Variants in DMD observed in about 807,000 individuals in gnomAD.
DMD encodes dystrophin, also known as mutant dystrophin.
Under a neutral mutation model 330.1 loss-of-function variants are expected in DMD, and 63 were observed. The ratio of observed to expected loss-of-function variants is 0.19; its 90% CI spans 0.16 to 0.24. DMD has a LOEUF of 0.24. Ranked by LOEUF, DMD falls within the 10% of genes least tolerant of loss-of-function variation. DMD has a pLI of 1.00. For synonymous variants in DMD, 1,223 were observed against 959.8 expected, an observed-to-expected ratio of 1.27 and a Z score of -5.07; for missense variants, 3,344 against 2,684.1, an observed-to-expected ratio of 1.25 and a Z score of -5.43.
chrX:31,244,990 A>C (rs1433506412), intron 63 of DMD, among the ~76,000 whole-genome samples: 1 of 112,030 alleles, frequency 8.9e-6, no homozygotes, highest in East Asian at 2.8e-4. Context: ...CAGGAAACCA[A>C]TGAACGAACG....
At chrX:31,366,302 G>T in intron 60 of DMD, among the ~76,000 whole-genome samples, 1 of 107,935 alleles carries the variant, frequency 9.3e-6, no homozygotes, top group Non-Finnish European at 1.9e-5. Flanking sequence ...CAAACTATGC[G>T]GGCACTGGAG....
At chrX:31,934,441 G>A (rs2094898325) in intron 45 of DMD, among the ~76,000 whole-genome samples, 1 of 111,553 alleles carries the variant, frequency 9.0e-6, no homozygotes, top group South Asian at 3.7e-4. Flanking sequence ...ACATTTATTC[G>A]CTTATTTTTA....
At chrX:31,666,429 C>T (rs1457883195) in intron 53 of DMD, among the ~76,000 whole-genome samples, 5 of 111,917 alleles carry the variant, frequency 4.5e-5, no homozygotes, top group African/African-American at 6.5e-5. Flanking sequence ...CAGTCTACAA[C>T]GAACATGTAA....
At chrX:32,320,937 A>G (rs1413783399) in intron 41 of DMD, among the ~76,000 whole-genome samples, 1 of 111,616 alleles carries the variant, frequency 9.0e-6, no homozygotes, top group African/African-American at 3.3e-5. Flanking sequence ...TGAAAACTCA[A>G]CTAATTTGTT....
At chrX:33,233,036 T>C (rs2052416085) in intron 1 of DMD, among the ~76,000 whole-genome samples, 1 of 111,212 alleles carries the variant, frequency 9.0e-6, no homozygotes, top group East Asian at 2.8e-4. Context: ...GACTATAATA[T>C]ATCATAATGC....
In DMD at chrX:32,587,704, A is replaced by G. The variant is rs191786707; in HGVS notation, c.1602+8053T>C. Among the ~76,000 whole-genome samples the G allele has an allele frequency of 6.3e-5, 7 of 111,306 alleles. No individual in the cohort carries two copies. The East Asian group carries it at 8.5e-4, about 13-fold the overall frequency. The stretch of plus-strand genomic sequence containing the variant: ...CACCTCTTTTAAAACATACTTGAAC[A>G]TGAGATTCCAGTTTGTGTTAAATAT... On this transcript the variant is annotated intron_variant, in intron 13 of 78. Transcript: ENST00000357033.
At chrX:32,460,730 A>C (rs1413224367) in intron 25 of DMD, among the ~76,000 whole-genome samples, 1 of 111,194 alleles carries the variant, frequency 9.0e-6, no homozygotes, top group East Asian at 2.8e-4. Context: ...TATCAGCTTT[A>C]ATTTCGCCTC....
intron 7 of DMD, among the ~76,000 whole-genome samples, chrX:32,721,066 T>TTGTG (rs113205688): frequency 0.016 from 1,773 of 108,835 alleles, 41 homozygotes; most frequent in African/African-American, 0.055. Context: ...GGCTGAATAT[T>TTGTG]TGTGTGTGTG....
At chrX:32,364,735 G>T (rs1385579720) in intron 35 of DMD, 25 bp from the exon 36 acceptor site, 2 of 1,196,774 alleles carry the variant, frequency 1.7e-6, no homozygotes, top group Non-Finnish European at 2.3e-6. Context: ...GACATACCAT[G>T]GCATTATTGG....
chrX:31,721,685 A>ACTCTCTCTCTCTCTCT (rs767300805), intron 52 of DMD, among the ~76,000 whole-genome samples: 3 of 39,581 alleles, frequency 7.6e-5, no homozygotes, highest in South Asian at 2.1e-3. Flanking sequence ...TCTCTCTCTC[A>ACTCTCTCTCTCTCTCT]CTCTCTCTCT....
At chrX:31,848,010 A>AT (rs1198660532) in intron 48 of DMD, among the ~76,000 whole-genome samples, 1 of 110,592 alleles carries the variant, frequency 9.0e-6, no homozygotes, top group Non-Finnish European at 1.9e-5. Context: ...CCAAATCTCT[A>AT]TTTCCTTCTT....
chrX:31,283,991 T>C (rs1364694691), intron 62 of DMD, among the ~76,000 whole-genome samples: 1 of 112,143 alleles, frequency 8.9e-6, no homozygotes, highest in African/African-American at 3.2e-5. Flanking sequence ...AAAAATGCAT[T>C]TAACATACCT....
chrX:32,502,660 A>G (rs969603606), intron 18 of DMD, among the ~76,000 whole-genome samples: 1 of 112,576 alleles, frequency 8.9e-6, no homozygotes, highest in Admixed American at 9.4e-5. Context: ...CGCAATTAAA[A>G]TATAGTAAGA....
intron 57 of DMD, among the ~76,000 whole-genome samples, chrX:31,490,189 T>C (rs543510383): frequency 8.9e-6 from 1 of 112,180 alleles, no homozygotes; most frequent in Non-Finnish European, 1.9e-5. Flanking sequence ...CCAACGCGGC[T>C]AAAAAGACAC....
At chrX:32,804,519 G>A (rs1412812241) in intron 7 of DMD, among the ~76,000 whole-genome samples, 1 of 112,595 alleles carries the variant, frequency 8.9e-6, no homozygotes, top group African/African-American at 3.2e-5. Flanking sequence ...GACAGAGCAC[G>A]TGAGGGAAGG....
chrX:32,376,257 A>G (rs1489972877), intron 34 of DMD, among the ~76,000 whole-genome samples: 4 of 111,758 alleles, frequency 3.6e-5, no homozygotes, highest in Non-Finnish European at 7.5e-5. Flanking sequence ...GATCGGTGAC[A>G]AGAGCAAGAC....
chrX:31,229,078 A>C (rs1482157441), intron 63 of DMD, among the ~76,000 whole-genome samples: 1 of 112,134 alleles, frequency 8.9e-6, no homozygotes, highest in Admixed American at 9.4e-5. Flanking sequence ...TGACTTTGGT[A>C]AGTATTTCTG....
intron 59 of DMD, among the ~76,000 whole-genome samples, chrX:31,456,920 G>A: frequency 9.8e-6 from 1 of 102,337 alleles, no homozygotes; most frequent in Non-Finnish European, 2.0e-5. Flanking sequence ...TGGAAAAATG[G>A]AAGTCTCAAC....
chrX:31,635,264 G>T (rs1214725073), intron 54 of DMD, among the ~76,000 whole-genome samples: 1 of 111,701 alleles, frequency 9.0e-6, no homozygotes, highest in African/African-American at 3.2e-5. Context: ...GTTGGCTTTG[G>T]TTACTTGCAG....
Sources: allele counts gnomAD v4.1 joint callset (sites outside exome capture counted in the v4.1 genomes callset), GRCh38; gene constraint gnomAD v4.1.1; transcripts MANE v1.5; gene names NCBI Gene and HGNC (gene_info 2026-07-23, HGNC 2026-07-21).